The following REPS1 variants were observed in gnomAD, a reference collection of about 807,000 sequenced individuals.
The protein encoded by REPS1 is RALBP1 associated Eps domain containing 1, also known as ralBP1-associated Eps domain-containing protein 1.
In REPS1, 39 loss-of-function variants were observed where a neutral mutation model predicts 100.9. The ratio of observed to expected loss-of-function variants is 0.39; its 90% CI spans 0.30 to 0.50. The LOEUF is 0.50. REPS1 is among the 20% of genes least tolerant of loss of function. The probability of loss-of-function intolerance (pLI) is 0.86; values close to 1 mark genes in which losing one functional copy is unlikely to be tolerated. For missense variants in REPS1, 821 were observed against 968.5 expected, an observed-to-expected ratio of 0.85 and a Z score of 2.02; for synonymous variants, 324 against 340.3, an observed-to-expected ratio of 0.95 and a Z score of 0.53.
At chr6:138,905,747 G>A (rs1263908722) in intron 19 of REPS1, among the ~76,000 whole-genome samples, 3 of 152,052 alleles carry the variant, frequency 2.0e-5, no homozygotes, top group African/African-American at 7.2e-5. Flanking sequence ...CAATAAACCC[G>A]CCCCCTGGTA....
chr6:138,944,384 A>G (rs1206059232), intron 5 of REPS1, 114 bp downstream of exon 5: 4 of 1,237,722 alleles, frequency 3.2e-6, no homozygotes, highest in Non-Finnish European at 4.5e-6. Flanking sequence ...TTGCTTTTAA[A>G]TAAATGAGTG....
chr6:138,943,661 C>G (rs1172042921), intron 6 of REPS1, 85 bp from the exon 7 acceptor site: 11 of 1,121,958 alleles, frequency 9.8e-6, no homozygotes, highest in Non-Finnish European at 1.4e-5. Flanking sequence ...ACTTTTTTAA[C>G]TGGGAAAAGA....
At chr6:138,978,044 T>C (rs1784694314) in intron 1 of REPS1, among the ~76,000 whole-genome samples, 2 of 152,164 alleles carry the variant, frequency 1.3e-5, no homozygotes, top group African/African-American at 4.8e-5. Context: ...TTGTTGTCTT[T>C]GGTGAAATAC....
chr6:138,908,950 T>C lies in REPS1; in HGVS notation c.2068-134A>G, dbSNP rs73559484. 1,003 of 773,702 alleles carry C rather than the reference T, an allele frequency of 1.3e-3. 8 individuals carry two copies. The African/African-American group carries it at 0.016, about 12-fold the overall frequency. 47.9% of individuals were successfully genotyped at this position (773,702 alleles called of 1,614,324 possible). The stretch of plus-strand genomic sequence containing the variant: ...AGTTACTTGTCCTACTTTAAATCTA[T>C]ATATTTGTGGCAAGAGCTAACTTAA... On this transcript the variant is annotated intron_variant, in intron 17 of 19. Transcript: ENST00000450536.
chr6:138,952,495 G>A (rs980325971), intron 1 of REPS1, among the ~76,000 whole-genome samples: 2 of 151,920 alleles, frequency 1.3e-5, no homozygotes, highest in African/African-American at 4.8e-5. Flanking sequence ...CACCTCCTGG[G>A]TACAAGCGAT....
intron 1 of REPS1, among the ~76,000 whole-genome samples, chr6:138,952,828 G>GTTT (rs750091781): frequency 6.9e-6 from 1 of 145,338 alleles, no homozygotes; most frequent in Admixed American, 6.8e-5. Flanking sequence ...ATAGTTTTTT[G>GTTT]TTTTTGTTTT....
At chr6:138,916,078 A>G in intron 13 of REPS1, 102 bp from the exon 14 acceptor site, 1 of 857,178 alleles carries the variant, frequency 1.2e-6, no homozygotes, top group Middle Eastern at 2.3e-4. Flanking sequence ...TCTTATTAGC[A>G]TGACATTTTC....
chr6:138,964,438 T>C (rs1188869100), intron 1 of REPS1, among the ~76,000 whole-genome samples: 2 of 152,128 alleles, frequency 1.3e-5, no homozygotes, highest in Non-Finnish European at 2.9e-5. Context: ...CATAGAAGAA[T>C]TACTACAGCT....
intron 1 of REPS1, among the ~76,000 whole-genome samples, chr6:138,952,265 CCT>C (rs1783085941): frequency 6.6e-6 from 1 of 152,056 alleles, no homozygotes; most frequent in African/African-American, 2.4e-5. Context: ...TCAAATTGTC[CCT>C]GTTTGCAGGT....
At chr6:138,925,526 A>T (rs1199363116) in intron 10 of REPS1, among the ~76,000 whole-genome samples, 2 of 152,260 alleles carry the variant, frequency 1.3e-5, no homozygotes, top group African/African-American at 4.8e-5. Flanking sequence ...TCATCTAGAA[A>T]GAACGACTTA....
At chr6:138,936,625 G>GGA (rs1368827736) in intron 8 of REPS1, among the ~76,000 whole-genome samples, 6 of 136,462 alleles carry the variant, frequency 4.4e-5, no homozygotes, top group African/African-American at 1.6e-4. Flanking sequence ...GTATGTTTGG[G>GGA]GGGGGGTAGA....
intron 15 of REPS1, among the ~76,000 whole-genome samples, chr6:138,913,243 T>A (rs1780131351): frequency 6.6e-6 from 1 of 152,146 alleles, no homozygotes; most frequent in Admixed American, 6.5e-5. Context: ...GGTCTGGCCC[T>A]ACCCCCATTC....
intron 9 of REPS1, chr6:138,927,041 G>C (rs1781183911): frequency 6.6e-6 from 1 of 152,300 alleles, no homozygotes; most frequent in South Asian, 2.1e-4. Context: ...AAAATGCAAA[G>C]AATTCTGGAA....
Position 138,987,859 on chromosome 6 carries a change from G to A in REPS1, c.-177C>T, listed in dbSNP as rs1785367649. 3.1e-6 allele frequency: 2 copies of A among 646,330 alleles called. No individual in the cohort carries two copies. Among genetic ancestry groups the A allele is most frequent in the Admixed American group, 4.4e-5 (1 of 22,602 alleles). The allele number at this position is 646,330 out of a possible 1,614,324, so 40.0% of individuals were successfully genotyped here. ...AGCAACAGGGCCCGGAGGTCGCGAG[G>A]AGGGGGCCCGGCTGCGCTCGCCGCG... is the stretch of plus-strand genomic sequence containing the variant. On this transcript the variant is annotated 5_prime_UTR_variant, in exon 1 of 20. Transcript: ENST00000450536.
intron 1 of REPS1, among the ~76,000 whole-genome samples, chr6:138,978,606 A>G (rs1315308519): frequency 6.6e-6 from 1 of 152,066 alleles, no homozygotes; most frequent in Non-Finnish European, 1.5e-5. Flanking sequence ...CACTGTGCCC[A>G]GCCCTGTTTT....
Position 138,905,437 on chromosome 6 carries a change from G to A in REPS1, c.2323-305C>T, listed in dbSNP as rs1371624331. On this transcript the variant is annotated intron_variant, in intron 19 of 19. Coordinates refer to ENST00000450536, the MANE Select transcript of REPS1 (RefSeq NM_001286611.2). ...CTCCCGAGTAGCTGGGACTACAGGCGCCCGCCACCGCGCCCGGCTAATTTT... is the reference window on the plus strand; with the variant it reads ...CTCCCGAGTAGCTGGGACTACAGGCACCCGCCACCGCGCCCGGCTAATTTT... Among the ~76,000 whole-genome samples, 4 of 148,880 alleles carry A rather than the reference G, an allele frequency of 2.7e-5. No individual in the cohort carries two copies. In the East Asian group the frequency reaches 5.9e-4, roughly 22 times the overall value.
intron 1 of REPS1, among the ~76,000 whole-genome samples, chr6:138,981,006 A>G (rs1784919114): frequency 6.6e-6 from 1 of 152,250 alleles, no homozygotes; most frequent in South Asian, 2.1e-4. Flanking sequence ...AGCATTTCAC[A>G]GGTCAGCCTG....
At chr6:138,929,928 A>C in intron 9 of REPS1, 49 bp downstream of exon 9, 1 of 1,595,152 alleles carries the variant, frequency 6.3e-7, no homozygotes, top group Non-Finnish European at 8.6e-7. Flanking sequence ...GGAACATCTT[A>C]CCTTAAAAGA....
intron 7 of REPS1, among the ~76,000 whole-genome samples, chr6:138,942,978 G>A (rs1235883169): frequency 6.6e-6 from 1 of 152,080 alleles, no homozygotes; most frequent in Non-Finnish European, 1.5e-5. Context: ...AAACTCCTGA[G>A]CTCAGGTAAT....
Sources: gnomAD v4.1 joint callset for allele counts (sites outside exome capture counted in the v4.1 genomes callset) on GRCh38, gnomAD v4.1.1 for gene constraint, MANE v1.5 for transcripts, NCBI Gene and HGNC (gene_info 2026-07-23, HGNC 2026-07-21) for gene names.